The following LYPD6B variants were observed in gnomAD, a reference collection of about 807,000 sequenced individuals.
LYPD6B encodes the protein LY6/PLAUR domain containing 6B.
LYPD6B carries 17 observed loss-of-function variants against 22.8 expected under a neutral mutation model. That is an observed-to-expected ratio of 0.75 (90% confidence interval 0.51 to 1.12). LYPD6B has a LOEUF of 1.12. Ranked by LOEUF, LYPD6B falls within the 50% of genes most tolerant of loss-of-function variation. LYPD6B has a pLI of 0.00. For synonymous variants in LYPD6B, 106 were observed against 91.6 expected, an observed-to-expected ratio of 1.16 and a Z score of -0.90; for missense variants, 221 against 258.3, an observed-to-expected ratio of 0.86 and a Z score of 0.99.
At chr2:149,138,436 C>A (rs920058358) in intron 2 of LYPD6B, among the ~76,000 whole-genome samples, 10 of 152,196 alleles carry the variant, frequency 6.6e-5, no homozygotes, top group African/African-American at 2.4e-4. Flanking sequence ...GCCACATAAG[C>A]AGGTGCAGAT....
At chr2:149,120,133 G>A (rs1687212402) in intron 1 of LYPD6B, among the ~76,000 whole-genome samples, 1 of 151,966 alleles carries the variant, frequency 6.6e-6, no homozygotes, top group East Asian at 1.9e-4. Flanking sequence ...ACAAGCTATA[G>A]CCATGTGGTC....
intron 1 of LYPD6B, among the ~76,000 whole-genome samples, chr2:149,066,346 GC>G (rs1300776357): frequency 2.0e-5 from 3 of 150,466 alleles, no homozygotes; most frequent in African/African-American, 7.3e-5. Context: ...CCCACAACAG[GC>G]CCCGGTGTGT....
chr2:149,130,742 G>A (rs1193097974), intron 1 of LYPD6B, 141 bp from the exon 2 acceptor site: 1 of 492,894 alleles, frequency 2.0e-6, no homozygotes, highest in Non-Finnish European at 3.6e-6. Context: ...TACCTGGTTT[G>A]TGGTTAGGAA....
At chr2:149,073,625 C>T (rs189241370) in intron 1 of LYPD6B, among the ~76,000 whole-genome samples, 23 of 152,088 alleles carry the variant, frequency 1.5e-4, no homozygotes, top group Non-Finnish European at 2.5e-4. Flanking sequence ...TTCTTCCACT[C>T]GGTGCTTTTG....
In LYPD6B at chr2:149,071,478, T is replaced by C. The variant is rs536502436; in HGVS notation, c.-67+32677T>C. ...TCAAATAATTATTAAAAACCTGGAT[T>C]AAGTACTCTGGGAAATCTCAAAATC... On this transcript the variant is annotated intron_variant, in intron 1 of 6. Transcript: ENST00000409642. Among the ~76,000 whole-genome samples, 4 of 152,326 alleles carry C rather than the reference T, an allele frequency of 2.6e-5. No individual in the cohort carries two copies. The East Asian group carries it at 7.7e-4, about 29-fold the overall frequency.
chr2:149,196,205 C>T (rs888299508), intron 3 of LYPD6B, among the ~76,000 whole-genome samples: 2 of 152,140 alleles, frequency 1.3e-5, no homozygotes, highest in Admixed American at 6.5e-5. Flanking sequence ...GCAAGTGACA[C>T]GCTGTAACTT....
chr2:149,130,425 G>A (rs1687953754), intron 1 of LYPD6B, among the ~76,000 whole-genome samples: 1 of 152,144 alleles, frequency 6.6e-6, no homozygotes. Context: ...AATTAATCCA[G>A]GAGGGGCAAA....
At chr2:149,159,498 G>C (rs1316787110) in intron 2 of LYPD6B, among the ~76,000 whole-genome samples, 1 of 151,676 alleles carries the variant, frequency 6.6e-6, no homozygotes, top group Non-Finnish European at 1.5e-5. Flanking sequence ...TATATGTTTT[G>C]TAAATGAACT....
intron 2 of LYPD6B, among the ~76,000 whole-genome samples, chr2:149,136,550 A>G (rs1378274885): frequency 6.6e-6 from 1 of 152,174 alleles, no homozygotes; most frequent in Non-Finnish European, 1.5e-5. Context: ...TCTCTAATAG[A>G]TATTCTACTG....
chr2:149,062,397 T>C (rs987510977), intron 1 of LYPD6B, among the ~76,000 whole-genome samples: 2 of 152,228 alleles, frequency 1.3e-5, no homozygotes, highest in Admixed American at 6.5e-5. Flanking sequence ...ATGATCACGA[T>C]GATGGCAGTG....
intron 1 of LYPD6B, among the ~76,000 whole-genome samples, chr2:149,087,710 G>A (rs893438975): frequency 6.6e-6 from 1 of 152,142 alleles, no homozygotes. Flanking sequence ...GGGACCTGGT[G>A]CACCAAGGAA....
intron 3 of LYPD6B, among the ~76,000 whole-genome samples, chr2:149,171,158 G>A (rs1690788936): frequency 6.6e-6 from 1 of 152,082 alleles, no homozygotes; most frequent in Non-Finnish European, 1.5e-5. Context: ...AGGCAATAAT[G>A]TGTGCCCGGG....
chr2:149,123,221 C>T (rs189791547), intron 1 of LYPD6B, among the ~76,000 whole-genome samples: 1 of 152,274 alleles, frequency 6.6e-6, no homozygotes, highest in Admixed American at 6.5e-5. Context: ...AGTGTGGTTT[C>T]AGCAGAACAT....
At chr2:149,181,426 G>C (rs1282882863) in intron 3 of LYPD6B, among the ~76,000 whole-genome samples, 1 of 152,082 alleles carries the variant, frequency 6.6e-6, no homozygotes, top group Non-Finnish European at 1.5e-5. Flanking sequence ...AGATGCATCT[G>C]TGATGAATTC....
chr2:149,161,134 A>G (rs1690040029), intron 3 of LYPD6B, among the ~76,000 whole-genome samples: 1 of 152,208 alleles, frequency 6.6e-6, no homozygotes, highest in African/African-American at 2.4e-5. Context: ...CAATTGAAAG[A>G]GAACTTCCTC....
At chr2:149,173,349 C>CTTTTTTTTTTTTT (rs67113716) in intron 3 of LYPD6B, among the ~76,000 whole-genome samples, 16 of 58,484 alleles carry the variant, frequency 2.7e-4, no homozygotes, top group East Asian at 5.5e-4. Flanking sequence ...TCTGTCAGGC[C>CTTTTTTTTTTTTT]TTTTTTTTTT....
intron 1 of LYPD6B, among the ~76,000 whole-genome samples, chr2:149,051,124 C>G (rs1025483191): frequency 2.0e-5 from 3 of 151,644 alleles, no homozygotes; most frequent in African/African-American, 7.3e-5. Flanking sequence ...TAACATTTAT[C>G]AACATTTTCT....
chr2:149,142,126 G>C (rs556267951), intron 2 of LYPD6B: 1 of 152,178 alleles, frequency 6.6e-6, no homozygotes, highest in Non-Finnish European at 1.5e-5. Flanking sequence ...AAAAAATACT[G>C]GTGTTCTGGC....
At chr2:149,213,753 T>C (rs1249552137) in intron 6 of LYPD6B, among the ~76,000 whole-genome samples, 1 of 152,190 alleles carries the variant, frequency 6.6e-6, no homozygotes, top group Admixed American at 6.5e-5. Context: ...CAAGCTCTGC[T>C]TGTTGTTGAG....
Sources: allele counts gnomAD v4.1 joint callset (sites outside exome capture counted in the v4.1 genomes callset), GRCh38; gene constraint gnomAD v4.1.1; transcripts MANE v1.5; gene names NCBI Gene and HGNC (gene_info 2026-07-23, HGNC 2026-07-21).